The following CD3G variants were observed in gnomAD, a reference collection of about 807,000 sequenced individuals.
The protein encoded by CD3G is CD3 gamma subunit of T-cell receptor complex.
CD3G carries 24 observed loss-of-function variants against 28.3 expected under a neutral mutation model. The ratio of observed to expected loss-of-function variants is 0.85; its 90% confidence interval spans 0.61 to 1.19. CD3G has a LOEUF of 1.19. CD3G is among the 50% of genes most tolerant of loss of function. CD3G has a pLI of 0.00. For synonymous variants in CD3G, 71 were observed against 75.9 expected (o/e 0.93, Z 0.34); for missense variants, 211 against 210.0 (o/e 1.00, Z -0.03).
chr11:118,346,802 G>GA (rs1156655818), intron 1 of CD3G, among the ~76,000 whole-genome samples: 234 of 31,482 alleles, frequency 7.4e-3, no homozygotes, highest in Middle Eastern at 0.056. Flanking sequence ...GACAGAGCAA[G>GA]AAAAAAAAAA....
chr11:118,347,502 A>C (rs567807036), intron 1 of CD3G, among the ~76,000 whole-genome samples: 76 of 152,298 alleles, frequency 5.0e-4, no homozygotes, highest in Non-Finnish European at 8.5e-4. Context: ...CATAATATCT[A>C]ATTATTTTAG....
At chr11:118,345,316 T>C (rs1948345506) in intron 1 of CD3G, among the ~76,000 whole-genome samples, 1 of 152,190 alleles carries the variant, frequency 6.6e-6, no homozygotes, top group African/African-American at 2.4e-5. Context: ...AAGAAGAGAA[T>C]TACCAAGAGT....
At chr11:118,350,745 A>T (rs1948400291) in intron 4 of CD3G, 62 bp downstream of exon 4, 2 of 1,612,064 alleles carry the variant, frequency 1.2e-6, no homozygotes, top group East Asian at 4.5e-5. Context: ...TCCTCCTACC[A>T]TTATGTACCC....
intron 3 of CD3G, chr11:118,350,259 A>G: frequency 1.8e-6 from 1 of 569,966 alleles, no homozygotes; most frequent in South Asian, 2.0e-5. Context: ...GGTGATCATA[A>G]GGTGAGCAGC....
intron 2 of CD3G, chr11:118,349,326 T>G: frequency 7.6e-4 from 1,030 of 1,361,270 alleles, no homozygotes; most frequent in Non-Finnish European, 9.0e-4. Flanking sequence ...CCAGTAGGTA[T>G]TGGCGTCACC....
At chr11:118,350,195 C>T in intron 3 of CD3G, 1 of 589,944 alleles carries the variant, frequency 1.7e-6, no homozygotes, top group Non-Finnish European at 3.0e-6. Context: ...TGGGTGGGCT[C>T]CATGGATTCA....
Position 118,350,684 on chromosome 11 carries a change from G to A in CD3G, c.439+1G>A. On this transcript the variant is annotated splice_donor_variant, in intron 4 of 6. Coordinates refer to ENST00000532917, the MANE Select transcript of CD3G (RefSeq NM_000073.3). LOFTEE classifies it high-confidence loss of function. ...CAGGATGGAGTTCGCCAGTCGAGAG[G>A]TAAAAGAATGCTCTTAGATGAGAGA... The A allele has an allele frequency of 6.2e-7, 1 of 1,613,730 alleles. No individual in the cohort carries two copies. The highest frequency in any genetic ancestry group is 8.5e-7 in the Non-Finnish European group (1 of 1,179,914).
At chr11:118,350,528 G>A (rs199691768) in intron 3 of CD3G, 24 bp from the exon 4 acceptor site, 30 of 1,580,438 alleles carry the variant, frequency 1.9e-5, no homozygotes, top group Non-Finnish European at 2.6e-5. Flanking sequence ...CAACCTGAAG[G>A]TTTGTCTCTC....
intron 1 of CD3G, among the ~76,000 whole-genome samples, chr11:118,344,725 C>T (rs575478227): frequency 6.6e-6 from 1 of 152,278 alleles, no homozygotes; most frequent in Non-Finnish European, 1.5e-5. Flanking sequence ...AAGAGAGGAC[C>T]CTGTTACCGC....
intron 1 of CD3G, 30 bp downstream of exon 1, chr11:118,344,508 G>A: frequency 1.3e-6 from 2 of 1,538,840 alleles, no homozygotes; most frequent in Non-Finnish European, 1.8e-6. Context: ...CTGGAAGCCT[G>A]GGGAAGGGCT....
chr11:118,353,075 ATTAT>A (rs1376408866), intron 6 of CD3G, 40 bp from the exon 7 acceptor site: 1 of 156,386 alleles, frequency 6.4e-6, no homozygotes, highest in Non-Finnish European at 1.4e-5. Context: ...GGTTGAAAGC[ATTAT>A]TTGTTTTTTT....
chr11:118,350,122 G>C (rs954743169), intron 3 of CD3G, 152 bp downstream of exon 3: 1 of 693,248 alleles, frequency 1.4e-6, no homozygotes, highest in African/African-American at 1.8e-5. Flanking sequence ...TTAAAATACT[G>C]TAAGATACTT....
intron 2 of CD3G, chr11:118,349,302 C>G (rs1948384009): frequency 9.2e-6 from 13 of 1,415,636 alleles, no homozygotes; most frequent in Non-Finnish European, 1.2e-5. Flanking sequence ...ACATCTCAAA[C>G]TGTGACCCAT....
At chr11:118,344,568 C>G in intron 1 of CD3G, 90 bp downstream of exon 1, 1 of 1,101,602 alleles carries the variant, frequency 9.1e-7, no homozygotes, top group Non-Finnish European at 1.4e-6. Context: ...TATCCCTAAC[C>G]TTCAGCCTAC....
chr11:118,350,889 G>GGAAAA, intron 4 of CD3G: 1 of 628,664 alleles, frequency 1.6e-6, no homozygotes, highest in South Asian at 4.7e-5. Flanking sequence ...CTCCCTCTGT[G>GGAAAA]AAAAAAAAAA....
intron 1 of CD3G, 64 bp downstream of exon 1, chr11:118,344,542 G>A: frequency 7.4e-7 from 1 of 1,350,714 alleles, no homozygotes; most frequent in African/African-American, 1.4e-5. Context: ...CATCACTAGT[G>A]AGACAGGAAT....
At chr11:118,352,792 G>A (rs1318226493) in intron 6 of CD3G, among the ~76,000 whole-genome samples, 2 of 152,092 alleles carry the variant, frequency 1.3e-5, no homozygotes, top group African/African-American at 4.8e-5. Context: ...TTAACATTTT[G>A]GGCTAATTAA....
At position 118,349,326 on chromosome 11, in the gene CD3G, T is replaced by C. The variant is rs1452586631; in HGVS notation, c.79+276T>C. The C allele has an allele frequency of 3.7e-6, 5 of 1,361,152 alleles. No individual in the cohort carries two copies. In the African/African-American group the frequency reaches 7.3e-5, roughly 20 times the overall value. 84.3% of individuals were successfully genotyped at this position (1,361,152 alleles called of 1,614,324 possible). On this transcript the variant is annotated intron_variant, in intron 2 of 6. Coordinates refer to ENST00000532917, the MANE Select transcript of CD3G (RefSeq NM_000073.3). ...ACTGTGACCCATGAACCAGTAGGTA[T>C]TGGCGTCACCTGGGATCCTGACGTT...
intron 2 of CD3G, chr11:118,349,432 T>G (rs1256491423): frequency 1.1e-5 from 8 of 697,768 alleles, no homozygotes; most frequent in Non-Finnish European, 1.6e-5. Flanking sequence ...AGCAGTTTCT[T>G]ACCTGTATAG....
Sources: gnomAD v4.1 joint callset for allele counts (sites outside exome capture counted in the v4.1 genomes callset) on GRCh38, gnomAD v4.1.1 for gene constraint, MANE v1.5 for transcripts, NCBI Gene and HGNC (gene_info 2026-07-23, HGNC 2026-07-21) for gene names.